Variants in FGF18 observed in about 807,000 individuals in gnomAD.
FGF18 encodes the protein fibroblast growth factor 18.
Under a neutral mutation model 23.0 loss-of-function variants are expected in FGF18, and 5 were observed. The ratio of observed to expected loss-of-function variants is 0.22; its 90% CI spans 0.11 to 0.46. FGF18 has a LOEUF of 0.46. Ranked by LOEUF, FGF18 falls within the 20% of genes least tolerant of loss-of-function variation. The probability of loss-of-function intolerance (pLI) is 0.99; values close to 1 mark genes in which losing one functional copy is unlikely to be tolerated. For synonymous variants in FGF18, 117 were observed against 118.9 expected, an observed-to-expected ratio of 0.98 and a Z score of 0.10; for missense variants, 180 against 291.6, an observed-to-expected ratio of 0.62 and a Z score of 2.79.
intron 4 of FGF18, among the ~76,000 whole-genome samples, chr5:171,452,018 T>G (rs1285537659): frequency 1.3e-5 from 2 of 152,292 alleles, no homozygotes; most frequent in East Asian, 3.9e-4. Flanking sequence ...CTGCATCCAT[T>G]CATCTGAGTT....
rs1772593616 is a variant in FGF18, at chr5:171,456,933, G to C, written c.*128G>C. ...TTTTTGTACATTGTGTTTAAAAGAAGACAAAAACTGAACCAAAACTCTTGG... is the reference window on the plus strand; with the variant it reads ...TTTTTGTACATTGTGTTTAAAAGAACACAAAAACTGAACCAAAACTCTTGG... On this transcript the variant is annotated 3_prime_UTR_variant, in exon 5 of 5. Coordinates refer to ENST00000274625, the MANE Select transcript of FGF18 (RefSeq NM_003862.3). The surrounding 1 kb of genome is among the most constrained non-coding windows in gnomAD (Gnocchi z 6.1). 1 of 1,221,838 alleles carries C rather than the reference G, an allele frequency of 8.2e-7. No homozygotes were observed. The highest frequency in any genetic ancestry group is 1.1e-6 in the Non-Finnish European group (1 of 898,326). 75.7% of individuals were successfully genotyped at this position (1,221,838 alleles called of 1,614,324 possible).
At chr5:171,441,841 G>A (rs1160866967) in intron 3 of FGF18, among the ~76,000 whole-genome samples, 1 of 152,160 alleles carries the variant, frequency 6.6e-6, no homozygotes, top group East Asian at 1.9e-4. Context: ...GCGCATTGAG[G>A]CAAAGAGGCT....
At chr5:171,431,033 C>T (rs962812437) in intron 2 of FGF18, among the ~76,000 whole-genome samples, 3 of 151,988 alleles carry the variant, frequency 2.0e-5, no homozygotes, top group Admixed American at 6.6e-5. Context: ...TGATGTGACG[C>T]ACATTTGTGG....
chr5:171,453,747 G>C (rs1440163520), intron 4 of FGF18, among the ~76,000 whole-genome samples: 1 of 152,084 alleles, frequency 6.6e-6, no homozygotes, highest in African/African-American at 2.4e-5. Context: ...GACTGAGTAG[G>C]GAGACCAAGT....
chr5:171,452,172 A>G (rs1044059032), intron 4 of FGF18, among the ~76,000 whole-genome samples: 1 of 152,264 alleles, frequency 6.6e-6, no homozygotes, highest in African/African-American at 2.4e-5. Context: ...GCTGAGCCTC[A>G]GCGTCGTCAT....
intron 3 of FGF18, among the ~76,000 whole-genome samples, chr5:171,448,712 A>G (rs574124168): frequency 2.6e-5 from 4 of 151,686 alleles, no homozygotes; most frequent in African/African-American, 7.3e-5. Flanking sequence ...GCCTTTTTGT[A>G]TGGCCGTCTG....
At chr5:171,432,257 G>A (rs919725586) in intron 2 of FGF18, among the ~76,000 whole-genome samples, 1 of 152,134 alleles carries the variant, frequency 6.6e-6, no homozygotes, top group African/African-American at 2.4e-5. Flanking sequence ...GGATGTTCCC[G>A]AGGCAGCCCC....
rs1241397180 is a variant in FGF18, at chr5:171,434,547, A to G, written c.70-1546A>G. Among the ~76,000 whole-genome samples the G allele has an allele frequency of 1.3e-5, 2 of 152,118 alleles. No individual in the cohort carries two copies. Among genetic ancestry groups the G allele is most frequent in the African/African-American group, 2.4e-5 (1 of 41,426 alleles). ...GGTCCCTTGTGCCTAGCATTGTGAT[A>G]GACTTTGTGGGCACACAGGGAACAA... is the stretch of plus-strand genomic sequence containing the variant. On this transcript the variant is annotated intron_variant, in intron 2 of 4. Coordinates refer to ENST00000274625, the MANE Select transcript of FGF18 (RefSeq NM_003862.3). This position sits in a 1 kb window ranked among gnomAD's most constrained non-coding sequence, Gnocchi z 4.6.
chr5:171,446,032 C>T (rs1348613834), intron 3 of FGF18, among the ~76,000 whole-genome samples: 1 of 152,214 alleles, frequency 6.6e-6, no homozygotes, highest in Non-Finnish European at 1.5e-5. Flanking sequence ...CTCCCTCTCT[C>T]TCTTTCTCTG....
chr5:171,447,392 G>A (rs978171597), intron 3 of FGF18, among the ~76,000 whole-genome samples: 2 of 152,216 alleles, frequency 1.3e-5, no homozygotes, highest in Admixed American at 6.5e-5. Context: ...AGGAAATGAC[G>A]GAGTTTGACT....
In FGF18 at chr5:171,456,854, C is replaced by G; in HGVS notation, c.*49C>G. The stretch of plus-strand genomic sequence containing the variant: ...GTCGCCCTGGCCACACTCACACTCC[C>G]AGAAAACTGCATCAGAGGAATATTT... On this transcript the variant is annotated 3_prime_UTR_variant, in exon 5 of 5. Coordinates refer to ENST00000274625, the MANE Select transcript of FGF18 (RefSeq NM_003862.3). This position sits in a 1 kb window ranked among gnomAD's most constrained non-coding sequence, Gnocchi z 6.1. The G allele has an allele frequency of 6.5e-7, 1 of 1,545,480 alleles. No homozygotes were observed. The highest frequency in any genetic ancestry group is 8.7e-7 in the Non-Finnish European group (1 of 1,146,618).
chr5:171,449,395 G>GTA, intron 4 of FGF18, 142 bp downstream of exon 4: 1 of 524,728 alleles, frequency 1.9e-6, no homozygotes, highest in East Asian at 3.5e-5. Context: ...GTGTGTGTGT[G>GTA]TGTGTGAGAG....
chr5:171,428,094 T>G (rs1772124046), intron 2 of FGF18, among the ~76,000 whole-genome samples: 1 of 152,206 alleles, frequency 6.6e-6, no homozygotes, highest in Admixed American at 6.5e-5. Flanking sequence ...GCTGCGTATC[T>G]GCATTCAACT....
intron 4 of FGF18, among the ~76,000 whole-genome samples, chr5:171,453,620 G>T (rs62384000): frequency 0.23 from 34,591 of 151,912 alleles, 4,210 homozygotes; most frequent in East Asian, 0.45. Context: ...CCTGGGCAAG[G>T]CCGATTTGCT....
chr5:171,425,936 G>A (rs1303864508), intron 2 of FGF18, among the ~76,000 whole-genome samples: 4 of 152,306 alleles, frequency 2.6e-5, no homozygotes, highest in African/African-American at 9.6e-5. Flanking sequence ...AAAGTAACCT[G>A]CGTTTGGTCA....
At position 171,440,701 on chromosome 5, in the gene FGF18, G is replaced by A. The variant is rs1228997105; in HGVS notation, c.250+4428G>A. ...CTGTAATGTGGGTGGGGTAAAGGGTGTGCAGCTGGTACTTTGCAGCTTCCT... is the reference window on the plus strand; with the variant it reads ...CTGTAATGTGGGTGGGGTAAAGGGTATGCAGCTGGTACTTTGCAGCTTCCT... On this transcript the variant is annotated intron_variant, in intron 3 of 4. Coordinates refer to ENST00000274625, the MANE Select transcript of FGF18 (RefSeq NM_003862.3). The surrounding 1 kb of genome is among the most constrained non-coding windows in gnomAD (Gnocchi z 4.0). 6.6e-6 allele frequency among the ~76,000 whole-genome samples: 1 copy of A among 152,184 alleles called. No homozygotes were observed. Among genetic ancestry groups the A allele is most frequent in the African/African-American group, 2.4e-5 (1 of 41,432 alleles).
chr5:171,438,000 C>T (rs1772277531), intron 3 of FGF18, among the ~76,000 whole-genome samples: 1 of 152,188 alleles, frequency 6.6e-6, no homozygotes, highest in South Asian at 2.1e-4. Context: ...GGGAATCTTT[C>T]CTGCTGTGTG....
At chr5:171,449,360 C>CATGTGTGTGTGTGT in intron 4 of FGF18, 107 bp downstream of exon 4, 1 of 184,228 alleles carries the variant, frequency 5.4e-6, no homozygotes, top group East Asian at 1.2e-4. Context: ...GAAAACAGGC[C>CATGTGTGTGTGTGT]GTGTGTGTGT....
At chr5:171,441,742 G>A (rs953073646) in intron 3 of FGF18, among the ~76,000 whole-genome samples, 1 of 152,190 alleles carries the variant, frequency 6.6e-6, no homozygotes, top group Non-Finnish European at 1.5e-5. Context: ...GGCCAACCAC[G>A]AAGACGCTCT....
Sources: gnomAD v4.1 joint callset for allele counts (sites outside exome capture counted in the v4.1 genomes callset) on GRCh38, gnomAD v4.1.1 for gene constraint, Gnocchi (gnomAD v3.1) non-coding constraint, MANE v1.5 for transcripts, NCBI Gene and HGNC (gene_info 2026-07-23, HGNC 2026-07-21) for gene names.